FAM117B: variants seen among roughly 807,000 people sequenced by gnomAD.
FAM117B encodes family with sequence similarity 117 member B.
In FAM117B, 22 loss-of-function variants were observed where a neutral mutation model predicts 52.8. The ratio of observed to expected loss-of-function variants is 0.42; its 90% CI spans 0.30 to 0.59. The LOEUF is 0.59. FAM117B is among the 20% of genes least tolerant of loss of function. The pLI is 0.22. For missense variants in FAM117B, 678 were observed against 802.6 expected (o/e 0.84, Z 1.88); for synonymous variants, 309 against 324.1 (o/e 0.95, Z 0.50).
At chr2:202,670,496 G>A (rs1045189036) in intron 1 of FAM117B, among the ~76,000 whole-genome samples, 1 of 151,756 alleles carries the variant, frequency 6.6e-6, no homozygotes, top group African/African-American at 2.4e-5. Flanking sequence ...GAAACACGTT[G>A]GCCATTCTGG....
chr2:202,639,445 C>G (rs1689734477), intron 1 of FAM117B, among the ~76,000 whole-genome samples: 1 of 152,208 alleles, frequency 6.6e-6, no homozygotes, highest in Non-Finnish European at 1.5e-5. Flanking sequence ...AGCCGTTTGT[C>G]ATTAGGAACT....
chr2:202,708,848 C>A (rs1690916867), intron 2 of FAM117B, among the ~76,000 whole-genome samples: 1 of 152,176 alleles, frequency 6.6e-6, no homozygotes, highest in African/African-American at 2.4e-5. Context: ...AAGCGATCCT[C>A]CCACCTCAGC....
At chr2:202,683,760 A>G (rs1432212039) in intron 1 of FAM117B, among the ~76,000 whole-genome samples, 1 of 152,204 alleles carries the variant, frequency 6.6e-6, no homozygotes, top group Non-Finnish European at 1.5e-5. Context: ...TTGCTCATAA[A>G]CCCTTTAAGA....
rs750085282 is a variant in FAM117B at position 202,760,655 on chromosome 2, A to G, written c.1451+1302A>G. On this transcript the variant is annotated intron_variant, in intron 7 of 7. Transcript: ENST00000392238. ...GGCAGAATAAGGGTAGGGTTGTCAC[A>G]GATGTGGAAGTCTGATTCTCAGTTT... Among the ~76,000 whole-genome samples the G allele has an allele frequency of 2.3e-4, 35 of 152,124 alleles. 1 individual carries two copies. The highest frequency in any genetic ancestry group is 4.9e-4 in the Non-Finnish European group (33 of 68,034).
At chr2:202,673,433 G>GTTTTTTTTTTTTTCTT (rs1690328868) in intron 1 of FAM117B, among the ~76,000 whole-genome samples, 1 of 37,510 alleles carries the variant, frequency 2.7e-5, no homozygotes, top group African/African-American at 1.6e-4. Flanking sequence ...TTCTTTTTCT[G>GTTTTTTTTTTTTTCTT]TTTTTTTTTT....
At chr2:202,688,819 G>C (rs1690581314) in intron 1 of FAM117B, among the ~76,000 whole-genome samples, 2 of 152,168 alleles carry the variant, frequency 1.3e-5, no homozygotes, top group Non-Finnish European at 2.9e-5. Flanking sequence ...ATTTTAATCT[G>C]TCTGTTATCT....
In FAM117B at chr2:202,724,468, T is replaced by C. The variant is rs147038639; in HGVS notation, c.754-449T>C. Among the ~76,000 whole-genome samples the C allele has an allele frequency of 1.3e-3, 194 of 152,324 alleles. 1 individual carries two copies. Among genetic ancestry groups the C allele is most frequent in the African/African-American group, 4.4e-3 (183 of 41,566 alleles). ...CTTGGCTTTGCCGCTTGTAACACCTTAGGCAACTTACATGTGTTAAGTCAG... is the reference window on the plus strand; with the variant it reads ...CTTGGCTTTGCCGCTTGTAACACCTCAGGCAACTTACATGTGTTAAGTCAG... On this transcript the variant is annotated intron_variant, in intron 2 of 7. Transcript: ENST00000392238.
At chr2:202,711,726 G>T (rs957269885) in intron 2 of FAM117B, among the ~76,000 whole-genome samples, 2 of 152,076 alleles carry the variant, frequency 1.3e-5, no homozygotes, top group African/African-American at 4.8e-5. Context: ...TTTGTATAAG[G>T]TGAGAGATAG....
intron 4 of FAM117B, among the ~76,000 whole-genome samples, chr2:202,754,883 C>T (rs570729919): frequency 5.2e-4 from 47 of 90,740 alleles, no homozygotes; most frequent in South Asian, 2.6e-3. Flanking sequence ...GAGTGAGATT[C>T]GTCTCAAAAA....
intron 4 of FAM117B, among the ~76,000 whole-genome samples, chr2:202,733,011 A>G (rs931264974): frequency 6.6e-6 from 1 of 152,092 alleles, no homozygotes; most frequent in African/African-American, 2.4e-5. Flanking sequence ...CGTAGGTTCT[A>G]TTTTCCCTAA....
intron 1 of FAM117B, among the ~76,000 whole-genome samples, chr2:202,656,731 CT>C (rs1690062336): frequency 1.3e-5 from 2 of 152,098 alleles, no homozygotes; most frequent in South Asian, 4.1e-4. Context: ...GTTTTCAGGT[CT>C]TACATATCTT....
At chr2:202,653,055 A>G (rs1208283631) in intron 1 of FAM117B, among the ~76,000 whole-genome samples, 1 of 152,212 alleles carries the variant, frequency 6.6e-6, no homozygotes, top group Non-Finnish European at 1.5e-5. Context: ...ACTTGAGCTC[A>G]GGAGTTTTCG....
chr2:202,751,067 G>A (rs1282353943), intron 4 of FAM117B, among the ~76,000 whole-genome samples: 1 of 152,016 alleles, frequency 6.6e-6, no homozygotes, highest in Non-Finnish European at 1.5e-5. Context: ...TTTGAGGAAA[G>A]GGAAAATCAA....
At chr2:202,637,158 G>C (rs768271702) in intron 1 of FAM117B, among the ~76,000 whole-genome samples, 2 of 151,414 alleles carry the variant, frequency 1.3e-5, no homozygotes, top group Non-Finnish European at 2.9e-5. Flanking sequence ...TGGCTTCCCA[G>C]AATGCTGGGA....
intron 2 of FAM117B, among the ~76,000 whole-genome samples, chr2:202,709,829 A>G (rs1342125758): frequency 6.6e-6 from 1 of 152,114 alleles, no homozygotes; most frequent in African/African-American, 2.4e-5. Context: ...TGTATGGGGT[A>G]AGAGTCTAGC....
rs952784292 is a variant in FAM117B at position 202,765,853 on chromosome 2, T to A, written c.*89T>A. 5 of 1,329,936 alleles carry A rather than the reference T, an allele frequency of 3.8e-6. No individual in the cohort carries two copies. Among genetic ancestry groups the A allele is most frequent in the Non-Finnish European group, 5.1e-6 (5 of 971,586 alleles). The allele number at this position is 1,329,936 out of a possible 1,614,324, so 82.4% of individuals were successfully genotyped here. A position where few individuals can be genotyped will look rare whatever the true frequency, so the allele number is the denominator to read the frequency against. On this transcript the variant is annotated 3_prime_UTR_variant, in exon 8 of 8. Transcript: ENST00000392238. ...ATGGCATCGTGCGCTTCTGGTCGGC[T>A]GTGATGTGCTCCAGCTTTCCAGTGA...
intron 2 of FAM117B, among the ~76,000 whole-genome samples, chr2:202,701,802 C>G (rs1440005850): frequency 6.6e-6 from 1 of 152,162 alleles, no homozygotes; most frequent in East Asian, 1.9e-4. Context: ...CATGATAAAA[C>G]TTAAGCATGA....
chr2:202,674,678 G>T (rs1690349260), intron 1 of FAM117B, among the ~76,000 whole-genome samples: 1 of 152,164 alleles, frequency 6.6e-6, no homozygotes, highest in African/African-American at 2.4e-5. Flanking sequence ...TCCTGACCCA[G>T]TTTCTTCTCC....
At chr2:202,705,095 T>C (rs1240405477) in intron 2 of FAM117B, among the ~76,000 whole-genome samples, 1 of 151,580 alleles carries the variant, frequency 6.6e-6, no homozygotes, top group Non-Finnish European at 1.5e-5. Context: ...TCACCTGAGG[T>C]TGGGAGTTTG....
Sources: allele counts gnomAD v4.1 joint callset (sites outside exome capture counted in the v4.1 genomes callset), GRCh38; gene constraint gnomAD v4.1.1; transcripts MANE v1.5; gene names NCBI Gene and HGNC (gene_info 2026-07-23, HGNC 2026-07-21).